The following SLC10A7 variants were observed in gnomAD, a reference collection of about 807,000 sequenced individuals.
SLC10A7 encodes sodium/bile acid cotransporter 7.
In SLC10A7, 29 loss-of-function variants were observed where a neutral mutation model predicts 43.2. That is an observed-to-expected ratio of 0.67 (90% CI 0.50 to 0.92). SLC10A7 has a LOEUF of 0.92. SLC10A7 is among the 40% of genes least tolerant of loss of function. The probability of loss-of-function intolerance (pLI) is 0.00; values close to 1 mark genes in which losing one functional copy is unlikely to be tolerated. For synonymous variants in SLC10A7, 152 were observed against 144.8 expected, an observed-to-expected ratio of 1.05 and a Z score of -0.35; for missense variants, 295 against 403.2, an observed-to-expected ratio of 0.73 and a Z score of 2.30.
chr4:146,332,844 G>A (rs898014833), intron 5 of SLC10A7, among the ~76,000 whole-genome samples: 16 of 152,126 alleles, frequency 1.1e-4, no homozygotes, highest in Non-Finnish European at 2.2e-4. Flanking sequence ...CAGTCTCCTA[G>A]AACATAACCA....
chr4:146,521,732 G>T lies in SLC10A7; in HGVS notation c.-15C>A. The T allele has an allele frequency of 6.2e-7, 1 of 1,607,288 alleles. No homozygotes were observed. The highest frequency in any genetic ancestry group is 1.7e-5 in the Admixed American group (1 of 59,840). ...AGCAGCCTCATATTTGTTAGGGTGGGTGGGTTTTGTTTATTTGTTTGGCTT... is the reference window on the plus strand; with the variant it reads ...AGCAGCCTCATATTTGTTAGGGTGGTTGGGTTTTGTTTATTTGTTTGGCTT... On this transcript the variant is annotated 5_prime_UTR_variant, in exon 1 of 12. Transcript: ENST00000335472.
At chr4:146,308,343 G>A (rs529407671) in intron 6 of SLC10A7, among the ~76,000 whole-genome samples, 1 of 152,206 alleles carries the variant, frequency 6.6e-6, no homozygotes, top group African/African-American at 2.4e-5. Flanking sequence ...CTGTCACTGT[G>A]GTCAGTATGA....
In SLC10A7 at chr4:146,459,194, T is replaced by C. The variant is rs140376163; in HGVS notation, c.397-16373A>G. On this transcript the variant is annotated intron_variant, in intron 4 of 11. Coordinates refer to ENST00000335472, the MANE Select transcript of SLC10A7 (RefSeq NM_001029998.6). ...TAAAGGTTATAAAACACTGATAAGATAAATTCTAAAAGACTTAAATAGAGA... is the reference window on the plus strand; with the variant it reads ...TAAAGGTTATAAAACACTGATAAGACAAATTCTAAAAGACTTAAATAGAGA... 2.4e-3 allele frequency among the ~76,000 whole-genome samples: 368 copies of C among 151,922 alleles called. 4 individuals carry two copies. The East Asian group carries it at 0.042, about 17-fold the overall frequency.
At chr4:146,415,340 T>G (rs899353498) in intron 5 of SLC10A7, among the ~76,000 whole-genome samples, 8 of 152,244 alleles carry the variant, frequency 5.3e-5, no homozygotes, top group African/African-American at 1.7e-4. Context: ...CCCCTTGAAC[T>G]TTCTGAATCT....
intron 5 of SLC10A7, among the ~76,000 whole-genome samples, chr4:146,423,654 TGAAG>T (rs1385622553): frequency 9.2e-5 from 14 of 152,308 alleles, no homozygotes; most frequent in African/African-American, 3.4e-4. Context: ...ATTTCAACAG[TGAAG>T]AGCTTAGGTT....
At chr4:146,290,860 T>TAAACC (rs959927228) in intron 9 of SLC10A7, among the ~76,000 whole-genome samples, 24 of 152,182 alleles carry the variant, frequency 1.6e-4, no homozygotes, top group East Asian at 7.7e-4. Flanking sequence ...CCCCTGTCTC[T>TAAACC]AAACCAAACC....
At chr4:146,482,947 C>G (rs1177205850) in intron 4 of SLC10A7, among the ~76,000 whole-genome samples, 1 of 151,464 alleles carries the variant, frequency 6.6e-6, no homozygotes, top group African/African-American at 2.4e-5. Context: ...ATTCAAAGTA[C>G]TGAAAGAAAA....
rs1398651115 is a variant in SLC10A7, at chr4:146,517,868, C to T, written c.101-748G>A. Among the ~76,000 whole-genome samples, 4 of 152,182 alleles carry T rather than the reference C, an allele frequency of 2.6e-5. No individual in the cohort carries two copies. In the East Asian group the frequency reaches 7.7e-4, roughly 29 times the overall value. On this transcript the variant is annotated intron_variant, in intron 1 of 11. Coordinates refer to ENST00000335472, the MANE Select transcript of SLC10A7 (RefSeq NM_001029998.6). ...TCAGAAACAAAAGCTTATAATCACA[C>T]ATGCATTCAGTTCTGCCCAAGAGTA...
chr4:146,295,935 T>C (rs1047272219), intron 7 of SLC10A7, among the ~76,000 whole-genome samples: 1 of 152,192 alleles, frequency 6.6e-6, no homozygotes, highest in Non-Finnish European at 1.5e-5. Flanking sequence ...CTTCCTCTCC[T>C]ACCAGCATTG....
chr4:146,264,011 T>C (rs1292302420), intron 10 of SLC10A7, among the ~76,000 whole-genome samples: 2 of 152,234 alleles, frequency 1.3e-5, no homozygotes, highest in Non-Finnish European at 2.9e-5. Flanking sequence ...ATGACACATT[T>C]GTCTAAAATT....
chr4:146,515,907 C>A (rs1737909394), intron 2 of SLC10A7, among the ~76,000 whole-genome samples: 2 of 49,370 alleles, frequency 4.1e-5, no homozygotes, highest in Admixed American at 2.1e-4. Context: ...GAGATTCCAT[C>A]TCAAAAAAAA....
At chr4:146,508,110 A>C (rs186223251) in intron 3 of SLC10A7, among the ~76,000 whole-genome samples, 173 of 152,320 alleles carry the variant, frequency 1.1e-3, no homozygotes, top group African/African-American at 3.8e-3. Context: ...AGCCGACCCT[A>C]TGGAAATATT....
At chr4:146,505,769 T>G (rs1348685463) in intron 3 of SLC10A7, among the ~76,000 whole-genome samples, 1 of 152,238 alleles carries the variant, frequency 6.6e-6, no homozygotes, top group Non-Finnish European at 1.5e-5. Flanking sequence ...TCTCTGAGGC[T>G]TCCTTAGAGT....
intron 5 of SLC10A7, among the ~76,000 whole-genome samples, chr4:146,388,749 ACT>A (rs1250395136): frequency 7.2e-6 from 1 of 138,260 alleles, no homozygotes; most frequent in Non-Finnish European, 1.5e-5. Flanking sequence ...ACAGTGTGAG[ACT>A]CTGTCAAAAA....
At chr4:146,323,145 A>T (rs1016622565) in intron 6 of SLC10A7, among the ~76,000 whole-genome samples, 7 of 151,806 alleles carry the variant, frequency 4.6e-5, no homozygotes, top group South Asian at 2.1e-4. Flanking sequence ...GATTGCAAAA[A>T]TTTTCTCCCA....
intron 5 of SLC10A7, among the ~76,000 whole-genome samples, chr4:146,414,335 C>T (rs983560740): frequency 1.3e-5 from 2 of 152,160 alleles, no homozygotes; most frequent in Admixed American, 6.5e-5. Context: ...TTGAAAAATA[C>T]GACAACCCAG....
chr4:146,423,553 A>T (rs1729107391), intron 5 of SLC10A7, among the ~76,000 whole-genome samples: 1 of 152,206 alleles, frequency 6.6e-6, no homozygotes, highest in African/African-American at 2.4e-5. Context: ...AAAAGCATAA[A>T]ATCTACATCA....
intron 5 of SLC10A7, among the ~76,000 whole-genome samples, chr4:146,355,901 A>C (rs1173759773): frequency 3.5e-5 from 2 of 57,292 alleles, no homozygotes; most frequent in Non-Finnish European, 6.1e-5. Flanking sequence ...GGGTGGGGGG[A>C]GGGGGGAGGG....
chr4:146,345,115 C>G (rs74864749), intron 5 of SLC10A7, among the ~76,000 whole-genome samples: 1 of 152,190 alleles, frequency 6.6e-6, no homozygotes, highest in Non-Finnish European at 1.5e-5. Flanking sequence ...CATTTTGAGG[C>G]AAGAGGTACT....
Sources: gnomAD v4.1 joint callset for allele counts (sites outside exome capture counted in the v4.1 genomes callset) on GRCh38, gnomAD v4.1.1 for gene constraint, MANE v1.5 for transcripts, NCBI Gene and HGNC (gene_info 2026-07-23, HGNC 2026-07-21) for gene names.